Variants in ROR1 observed in about 807,000 individuals in gnomAD.
ROR1 encodes the protein ROR family WNT receptor 1, also known as inactive tyrosine-protein kinase transmembrane receptor ROR1.
In ROR1, 19 loss-of-function variants were observed where a neutral mutation model predicts 78.8. The ratio of observed to expected loss-of-function variants is 0.24; its 90% confidence interval spans 0.17 to 0.35. The LOEUF is 0.35. Among genes scored for constraint, ROR1 ranks in the 10% least tolerant of loss-of-function variants. ROR1 has a pLI of 1.00. For missense variants in ROR1, 917 were observed against 1,177.8 expected, an observed-to-expected ratio of 0.78 and a Z score of 3.24; for synonymous variants, 386 against 433.6, an observed-to-expected ratio of 0.89 and a Z score of 1.36.
chr1:64,078,195 A>G (rs1362232286), intron 4 of ROR1, among the ~76,000 whole-genome samples: 1 of 152,212 alleles, frequency 6.6e-6, no homozygotes, highest in Non-Finnish European at 1.5e-5. Context: ...CACAGCTATA[A>G]TAGTAGTTTG....
chr1:63,816,072 A>G (rs1644890515), intron 1 of ROR1, among the ~76,000 whole-genome samples: 1 of 152,148 alleles, frequency 6.6e-6, no homozygotes, highest in Non-Finnish European at 1.5e-5. Context: ...CATTATTTTA[A>G]CAGCAACCAA....
intron 1 of ROR1, among the ~76,000 whole-genome samples, chr1:63,835,773 G>A (rs1358732986): frequency 6.6e-6 from 1 of 152,206 alleles, no homozygotes; most frequent in Non-Finnish European, 1.5e-5. Flanking sequence ...CACTTGTGTT[G>A]TTGGACAATA....
At chr1:63,945,696 C>G (rs542253120) in intron 1 of ROR1, among the ~76,000 whole-genome samples, 43 of 152,296 alleles carry the variant, frequency 2.8e-4, no homozygotes, top group Non-Finnish European at 5.1e-4. Flanking sequence ...GACTTAGAGC[C>G]TTGCCTTCTC....
chr1:63,839,224 T>C (rs1259788874), intron 1 of ROR1, among the ~76,000 whole-genome samples: 1 of 152,190 alleles, frequency 6.6e-6, no homozygotes, highest in Non-Finnish European at 1.5e-5. Flanking sequence ...CTTAAAGAAA[T>C]AGATGGTTGA....
chr1:63,790,969 C>T (rs1644722848), intron 1 of ROR1, among the ~76,000 whole-genome samples: 1 of 152,242 alleles, frequency 6.6e-6, no homozygotes, highest in South Asian at 2.1e-4. Flanking sequence ...CCATCTGCTT[C>T]AGGCTGGGAC....
chr1:64,101,529 G>T (rs1647542800), intron 4 of ROR1, among the ~76,000 whole-genome samples: 1 of 152,274 alleles, frequency 6.6e-6, no homozygotes, highest in South Asian at 2.1e-4. Flanking sequence ...TCAGCCCACA[G>T]ATATTTACTG....
At chr1:64,148,653 G>T (rs1296230884) in intron 7 of ROR1, among the ~76,000 whole-genome samples, 1 of 152,190 alleles carries the variant, frequency 6.6e-6, no homozygotes, top group African/African-American at 2.4e-5. Context: ...AGAACAGTCT[G>T]CTGCAGATTG....
At chr1:63,925,109 C>T (rs1354597618) in intron 1 of ROR1, among the ~76,000 whole-genome samples, 1 of 150,000 alleles carries the variant, frequency 6.7e-6, no homozygotes, top group Non-Finnish European at 1.5e-5. Context: ...GTGCGCTGCA[C>T]CCACTAACTC....
At chr1:63,889,805 T>A (rs140178763) in intron 1 of ROR1, among the ~76,000 whole-genome samples, 1 of 152,318 alleles carries the variant, frequency 6.6e-6, no homozygotes, top group African/African-American at 2.4e-5. Flanking sequence ...GTATTGCAAT[T>A]GTGGGTGAAT....
chr1:64,168,774 A>T (rs1367769360), intron 8 of ROR1, among the ~76,000 whole-genome samples: 1 of 152,198 alleles, frequency 6.6e-6, no homozygotes, highest in Admixed American at 6.5e-5. Flanking sequence ...TCTCAGTTGG[A>T]TAAGTTTAAA....
chr1:63,820,109 T>C (rs1644915144), intron 1 of ROR1, among the ~76,000 whole-genome samples: 1 of 152,236 alleles, frequency 6.6e-6, no homozygotes, highest in African/African-American at 2.4e-5. Context: ...CAGTAAAATG[T>C]CATTGATAAG....
In ROR1 at chr1:63,806,316, A is replaced by AATTTTTTTTTTTTTTTTTTTTTT. The variant is rs1553133293; in HGVS notation, c.91+31808_91+31809insATTTTTTTTTTTTTTTTTTTTTT. On this transcript the variant is annotated intron_variant, in intron 1 of 8. Transcript: ENST00000371079. ...TTAGCTTGTTTGTGACTGTCAGACT[A>AATTTTTTTTTTTTTTTTTTTTTT]TTTTTTTTTTTTTTTTTTTGAGATG... 2.3e-5 allele frequency among the ~76,000 whole-genome samples: 2 copies of AATTTTTTTTTTTTTTTTTTTTTT among 87,264 alleles called. 1 individual carries two copies. 57.2% of individuals were successfully genotyped at this position (87,264 alleles called of 152,430 possible).
At chr1:63,807,904 T>C (rs898546670) in intron 1 of ROR1, among the ~76,000 whole-genome samples, 1 of 152,148 alleles carries the variant, frequency 6.6e-6, no homozygotes, top group African/African-American at 2.4e-5. Context: ...GACTGAAATT[T>C]ATTCATGTCT....
chr1:63,813,871 T>G (rs1644874635), intron 1 of ROR1, among the ~76,000 whole-genome samples: 1 of 152,234 alleles, frequency 6.6e-6, no homozygotes, highest in Non-Finnish European at 1.5e-5. Flanking sequence ...CCTACTTAAT[T>G]GCTAGTCTGT....
At chr1:63,832,972 C>T (rs1644998115) in intron 1 of ROR1, among the ~76,000 whole-genome samples, 1 of 152,244 alleles carries the variant, frequency 6.6e-6, no homozygotes, top group African/African-American at 2.4e-5. Context: ...CCCCACCCAC[C>T]ACTTCACAAT....
intron 1 of ROR1, among the ~76,000 whole-genome samples, chr1:63,780,199 A>G (rs1025884584): frequency 3.3e-5 from 5 of 149,928 alleles, no homozygotes; most frequent in East Asian, 3.9e-4. Context: ...AGAGAGGGGG[A>G]CTAAAAAAAA....
At chr1:63,846,589 A>G (rs1260641559) in intron 1 of ROR1, among the ~76,000 whole-genome samples, 1 of 152,148 alleles carries the variant, frequency 6.6e-6, no homozygotes, top group Non-Finnish European at 1.5e-5. Context: ...GCAAAGAAAG[A>G]GCCACTGAGA....
chr1:63,885,797 G>C (rs771521992), intron 1 of ROR1, among the ~76,000 whole-genome samples: 1 of 152,150 alleles, frequency 6.6e-6, no homozygotes, highest in Admixed American at 6.5e-5. Flanking sequence ...TCATATGTTA[G>C]ATCAGTGGTC....
At chr1:63,850,463 A>C (rs545468639) in intron 1 of ROR1, among the ~76,000 whole-genome samples, 81 of 152,238 alleles carry the variant, frequency 5.3e-4, no homozygotes, top group Non-Finnish European at 9.7e-4. Flanking sequence ...GCCTTATGCC[A>C]GTGCGAGCTC....
Sources: gnomAD v4.1 joint callset for allele counts (sites outside exome capture counted in the v4.1 genomes callset) on GRCh38, gnomAD v4.1.1 for gene constraint, MANE v1.5 for transcripts, NCBI Gene and HGNC (gene_info 2026-07-23, HGNC 2026-07-21) for gene names.